The following MYO15A variants were observed in gnomAD, a reference collection of about 807,000 sequenced individuals.
The protein encoded by MYO15A is myosin XVA, also known as unconventional myosin-XV.
Under a neutral mutation model 394.6 loss-of-function variants are expected in MYO15A, and 308 were observed. The observed-to-expected ratio is 0.78, with a 90% CI of 0.71 to 0.86. MYO15A has a LOEUF of 0.86. Ranked by LOEUF, MYO15A falls within the 40% of genes least tolerant of loss-of-function variation. The pLI is 0.00. For synonymous variants in MYO15A, 1,957 were observed against 2,003.8 expected, an observed-to-expected ratio of 0.98 and a Z score of 0.62; for missense variants, 4,606 against 4,799.1, an observed-to-expected ratio of 0.96 and a Z score of 1.19.
intron 42 of MYO15A, 44 bp downstream of exon 42, chr17:18,152,228 T>G: frequency 6.5e-7 from 1 of 1,530,778 alleles, no homozygotes; most frequent in Admixed American, 2.0e-5. Flanking sequence ...TCCAAGTATA[T>G]GAGGAAGTCT....
intron 2 of MYO15A, 180 bp from the exon 3 acceptor site, chr17:18,124,303 G>A (rs1191034678): frequency 1.5e-6 from 1 of 678,726 alleles, no homozygotes; most frequent in African/African-American, 1.8e-5. Context: ...TCATGTGTGA[G>A]GGTCGCATGC....
In MYO15A at chr17:18,170,824, T is replaced by A. The variant is rs1716490610; in HGVS notation, c.10083-814T>A. On this transcript the variant is annotated intron_variant, in intron 62 of 65. Coordinates refer to ENST00000647165, the MANE Select transcript of MYO15A (RefSeq NM_016239.4). ...TCTCAGCTATTCTTCCCAACTCCAT[T>A]TTATTTTCCCCATTTACAGATAAGG... 2.0e-5 allele frequency among the ~76,000 whole-genome samples: 3 copies of A among 152,152 alleles called. No homozygotes were observed. The South Asian group carries it at 6.2e-4, about 32-fold the overall frequency.
At chr17:18,145,822 T>C in intron 29 of MYO15A, 50 bp from the exon 30 acceptor site, 2 of 1,579,870 alleles carry the variant, frequency 1.3e-6, no homozygotes, top group Non-Finnish European at 1.7e-6. Context: ...GGGTGGGGAC[T>C]GGAAGGAACA....
In MYO15A at chr17:18,125,272, A is replaced by C. The variant is rs989279551; in HGVS notation, c.3756+41A>C. 3.2e-6 allele frequency: 5 copies of C among 1,584,930 alleles called. No individual in the cohort carries two copies. The African/African-American group carries it at 6.7e-5, about 21-fold the overall frequency. ...GGCCCTGCCCTGGGCCTAGGTCAGG[A>C]AGGCAGCTGCCTCCTGGGGCCGGGT... On this transcript the variant is annotated intron_variant, in intron 4 of 65. Transcript: ENST00000647165.
At chr17:18,124,932 A>T in intron 3 of MYO15A, 1 of 606,892 alleles carries the variant, frequency 1.6e-6, no homozygotes, top group South Asian at 1.9e-5. Context: ...ATTACGTAAG[A>T]GTGTCCCCCA....
rs377215318 is a variant in MYO15A at position 18,158,553 on chromosome 17, C to T, written c.8998C>T (p.His3000Tyr). ...GPPVRARSAD[H>Y]GEDALALPPY... Reference sequence around the variant, plus strand: ...CCCAGTCAGGGCCCGCTCTGCTGACCATGGGGAGGACGCCCTGGCGCTCCC... The same window carrying T: ...CCCAGTCAGGGCCCGCTCTGCTGACTATGGGGAGGACGCCCTGGCGCTCCC... Residue 3000 changes from histidine to tyrosine, a missense_variant, in exon 52 of 66, where the codon CAT becomes TAT. Physicochemically the swap from His to Tyr is moderately conservative, Grantham distance 83 (BLOSUM62 2). Coordinates refer to ENST00000647165, the MANE Select transcript of MYO15A (RefSeq NM_016239.4). 6.8e-6 allele frequency: 11 copies of T among 1,614,054 alleles called. No individual in the cohort carries two copies. The African/African-American group carries it at 1.3e-4, about 20-fold the overall frequency.
rs1451365509 is a variant in MYO15A, at chr17:18,156,229, C to G, written c.8494C>G (p.Gln2832Glu). ...ADILFVTMPS[Q>E]NMLEFNLASE... is the part of the protein sequence containing the mutation. ...TATCCTGTTTGTGACCATGCCCTCCCAGAACATGCTGGAGTTCAACCTGGC... is the reference window on the plus strand; with the variant it reads ...TATCCTGTTTGTGACCATGCCCTCCGAGAACATGCTGGAGTTCAACCTGGC... The change falls in exon 48 of 66, where the codon CAG becomes GAG. Residue 2832 changes from glutamine (Q) to glutamate (E), a missense_variant. This residue lies in a region of MYO15A where 2,776 missense variants were observed against 3,109.3 expected (regional missense o/e 0.89). Transcript: ENST00000647165. 1.2e-6 allele frequency: 2 copies of G among 1,614,068 alleles called. No individual in the cohort carries two copies. The highest frequency in any genetic ancestry group is 1.3e-5 in the African/African-American group (1 of 74,932).
rs961593628 is a variant in MYO15A, at chr17:18,155,524, C to G, written c.8459+92C>G. 63 of 1,186,214 alleles carry G rather than the reference C, an allele frequency of 5.3e-5. 1 individual carries two copies. In the Admixed American group the frequency reaches 1.0e-3, roughly 20 times the overall value. 73.5% of individuals were successfully genotyped at this position (1,186,214 alleles called of 1,614,324 possible). ...CCCCTCCACAGCCACTTACCAAGTA[C>G]CCATGATGCGCCAGGCTCTGTGCCA... On this transcript the variant is annotated intron_variant, in intron 47 of 65. Transcript: ENST00000647165.
chr17:18,166,563 G>C (rs746947587), intron 61 of MYO15A, 42 bp downstream of exon 61: 5 of 1,605,508 alleles, frequency 3.1e-6, no homozygotes, highest in Middle Eastern at 1.7e-4. Context: ...GACCTTCTAG[G>C]CTCCCCTGGG....
At chr17:18,167,568 C>G in intron 61 of MYO15A, 22 bp from the exon 62 acceptor site, 1 of 1,600,748 alleles carries the variant, frequency 6.2e-7, no homozygotes, top group Non-Finnish European at 8.5e-7. Flanking sequence ...CTGGCAGCCC[C>G]TCACCCAGGT....
At chr17:18,165,106 A>C (rs1483739227) in intron 60 of MYO15A, 1 of 152,370 alleles carries the variant, frequency 6.6e-6, no homozygotes, top group Non-Finnish European at 1.5e-5. Context: ...AAAAAAAAAA[A>C]AAAAGCATTT....
Position 18,120,385 on chromosome 17 carries a change from C to T in MYO15A, c.1585C>T (p.His529Tyr), listed in dbSNP as rs200836518. Residue 529 changes from histidine to tyrosine, a missense_variant, in exon 2 of 66, where the codon CAC (histidine) becomes TAC (tyrosine). Coordinates refer to ENST00000647165, the MANE Select transcript of MYO15A (RefSeq NM_016239.4). ...LPPVSAVPYG[H>Y]PFWGFLTPRQ... ...CCCGGTTTCCGCTGTGCCCTACGGC[C>T]ACCCTTTCTGGGGCTTCCTCACGCC... The T allele has an allele frequency of 1.5e-5, 24 of 1,611,188 alleles. No homozygotes were observed. The Admixed American group carries it at 2.8e-4, about 19-fold the overall frequency.
chr17:18,140,580 A>G lies in MYO15A; in HGVS notation c.5275A>G (p.Ser1759Gly). ...QAAPQRLGKS[S>G]SVTRLYKAHT... ...TGCCCCTCAGCGCCTGGGCAAGAGCAGCTCCGTCACTCGGCTCTACAAGGC... is the reference window on the plus strand; with the variant it reads ...TGCCCCTCAGCGCCTGGGCAAGAGCGGCTCCGTCACTCGGCTCTACAAGGC... The change falls in exon 20 of 66, where the codon AGC becomes GGC. Residue 1759 changes from serine to glycine, a missense_variant. By Grantham distance (56) the Ser-to-Gly change is moderately conservative. Transcript: ENST00000647165. 3 of 1,613,704 alleles carry G rather than the reference A, an allele frequency of 1.9e-6. No individual in the cohort carries two copies. Among genetic ancestry groups the G allele is most frequent in the Non-Finnish European group, 2.5e-6 (3 of 1,180,034 alleles).
intron 64 of MYO15A, chr17:18,172,588 G>A (rs1208743760): frequency 1.1e-5 from 5 of 445,160 alleles, no homozygotes; most frequent in Non-Finnish European, 1.3e-5. Flanking sequence ...CACAGACTGA[G>A]TAACTTAAAC....
chr17:18,120,726 C>T lies in MYO15A; in HGVS notation c.1926C>T (p.Arg642=). Residue 642 remains arginine (R), a synonymous_variant, in exon 2 of 66, where the codon CGC becomes CGT. Coordinates refer to ENST00000647165, the MANE Select transcript of MYO15A (RefSeq NM_016239.4). Reference sequence around the variant, plus strand: ...GCGCTCGCAGCAGCAACGACGCGCGCCGCCCGCCCGCGCCACAGCCCGCGC... The same window carrying T: ...GCGCTCGCAGCAGCAACGACGCGCGTCGCCCGCCCGCGCCACAGCCCGCGC... The part of the protein sequence containing the change: ...QPRARSSNDA[R]RPPAPQPAPR... The T allele has an allele frequency of 2.0e-6, 3 of 1,479,212 alleles. No homozygotes were observed. Among genetic ancestry groups the T allele is most frequent in the Non-Finnish European group, 2.7e-6 (3 of 1,125,160 alleles). The allele number at this position is 1,479,212 out of a possible 1,614,324, so 91.6% of individuals were successfully genotyped here.
chr17:18,160,081 T>A, intron 56 of MYO15A, 64 bp downstream of exon 56: 1 of 1,511,292 alleles, frequency 6.6e-7, no homozygotes, highest in Non-Finnish European at 9.1e-7. Flanking sequence ...AGGGACCAGT[T>A]CAGCCTCCCA....
chr17:18,124,922 A>T, intron 3 of MYO15A: 1 of 599,288 alleles, frequency 1.7e-6, no homozygotes, highest in African/African-American at 1.8e-5. Flanking sequence ...AATCACAGTG[A>T]TTACGTAAGA....
chr17:18,172,312 C>T, intron 64 of MYO15A, 22 bp downstream of exon 64: 4 of 1,614,176 alleles, frequency 2.5e-6, no homozygotes, highest in Non-Finnish European at 3.4e-6. Flanking sequence ...CAGCCTGGCA[C>T]TGCCATCGCC....
At chr17:18,126,496 C>T (rs199774733) in intron 5 of MYO15A, 40 bp downstream of exon 5, 1 of 1,558,680 alleles carries the variant, frequency 6.4e-7, no homozygotes, top group Non-Finnish European at 8.8e-7. Flanking sequence ...TCTCTTGGGC[C>T]CCTCTTTCCC....
Sources: allele counts gnomAD v4.1 joint callset (sites outside exome capture counted in the v4.1 genomes callset), GRCh38; gene constraint gnomAD v4.1.1; regional missense constraint gnomAD v4.1.1; transcripts MANE v1.5; gene names NCBI Gene and HGNC (gene_info 2026-07-23, HGNC 2026-07-21).